CERS3: variants seen among roughly 807,000 people sequenced by gnomAD.
The protein encoded by CERS3 is ceramide synthase 3, also known as LAG1 homolog, ceramide synthase 3.
Under a neutral mutation model 50.3 loss-of-function variants are expected in CERS3, and 33 were observed. The ratio of observed to expected loss-of-function variants is 0.66; its 90% CI spans 0.50 to 0.88. The LOEUF (loss-of-function observed/expected upper bound fraction) is 0.88, where lower values mean the gene tolerates loss of function less well. Ranked by LOEUF, CERS3 falls within the 40% of genes least tolerant of loss-of-function variation. CERS3 has a pLI of 0.00. For missense variants in CERS3, 470 were observed against 460.3 expected (o/e 1.02, Z -0.19); for synonymous variants, 176 against 155.2 (o/e 1.13, Z -0.99).
chr15:100,456,316 G>C (rs1413613316), intron 10 of CERS3, among the ~76,000 whole-genome samples: 1 of 152,128 alleles, frequency 6.6e-6, no homozygotes, highest in Non-Finnish European at 1.5e-5. Context: ...TCTGTACCTT[G>C]GTTTCCTTTT....
chr15:100,402,412 C>T lies in CERS3; in HGVS notation c.*301G>A, dbSNP rs994557392. 1.5e-5 allele frequency: 5 copies of T among 326,042 alleles called. No homozygotes were observed. The highest frequency in any genetic ancestry group is 4.3e-5 in the African/African-American group (2 of 46,596). The allele number at this position is 326,042 out of a possible 1,614,324, so 20.2% of individuals were successfully genotyped here. ...CGAGGCGAAAGGGTCTATAACAAAG[C>T]GAGCCCCTGAGAAAGTGACATGCAT... On this transcript the variant is annotated 3_prime_UTR_variant, in exon 12 of 12. Transcript: ENST00000679737.
At chr15:100,409,357 T>A (rs898676843) in intron 11 of CERS3, among the ~76,000 whole-genome samples, 2 of 152,168 alleles carry the variant, frequency 1.3e-5, no homozygotes, top group Non-Finnish European at 2.9e-5. Flanking sequence ...TGGCAACCTA[T>A]TCATGATTTG....
chr15:100,422,999 G>T (rs750804756), intron 11 of CERS3, among the ~76,000 whole-genome samples: 1 of 151,230 alleles, frequency 6.6e-6, no homozygotes, highest in Non-Finnish European at 1.5e-5. Flanking sequence ...TGACGAGTTA[G>T]TGGGTGCAGC....
At chr15:100,522,801 T>C (rs9635428) in intron 1 of CERS3, among the ~76,000 whole-genome samples, 31,224 of 152,206 alleles carry the variant, frequency 0.21, 3,456 homozygotes, top group East Asian at 0.37. Context: ...TTCTTGAACA[T>C]GCTTTAGGTA....
chr15:100,418,577 A>G (rs1040121946), intron 11 of CERS3, among the ~76,000 whole-genome samples: 7 of 144,420 alleles, frequency 4.8e-5, no homozygotes, highest in African/African-American at 1.8e-4. Context: ...GGAAATACAG[A>G]GAACGCCACA....
chr15:100,411,849 C>G (rs1486748947), intron 11 of CERS3, among the ~76,000 whole-genome samples: 3 of 152,082 alleles, frequency 2.0e-5, no homozygotes, highest in African/African-American at 7.2e-5. Flanking sequence ...TTGCGTTTCC[C>G]TAATGATTAG....
chr15:100,479,107 A>G (rs72759124), intron 7 of CERS3, among the ~76,000 whole-genome samples: 2 of 152,252 alleles, frequency 1.3e-5, no homozygotes, highest in Non-Finnish European at 2.9e-5. Flanking sequence ...ATGAAAAAGA[A>G]TAGTATTTTT....
chr15:100,524,488 C>A (rs763790104), intron 1 of CERS3, among the ~76,000 whole-genome samples: 1 of 152,118 alleles, frequency 6.6e-6, no homozygotes, highest in Non-Finnish European at 1.5e-5. Context: ...TGGAATCAAG[C>A]CAGGTAAAGC....
intron 2 of CERS3, among the ~76,000 whole-genome samples, chr15:100,509,491 G>A (rs1465735207): frequency 6.6e-6 from 1 of 152,162 alleles, no homozygotes; most frequent in Admixed American, 6.5e-5. Context: ...AGAACAGAAG[G>A]TTTCTCTCAG....
intron 11 of CERS3, among the ~76,000 whole-genome samples, chr15:100,424,657 C>A (rs2032692722): frequency 6.6e-6 from 1 of 152,186 alleles, no homozygotes; most frequent in South Asian, 2.1e-4. Context: ...AATTTTTAAG[C>A]AGCAATGCGT....
chr15:100,478,964 C>A (rs1198740379), intron 7 of CERS3, among the ~76,000 whole-genome samples: 3 of 152,044 alleles, frequency 2.0e-5, no homozygotes, highest in African/African-American at 4.8e-5. Context: ...ATTCTAATTA[C>A]CTTTCAGTGA....
intron 10 of CERS3, among the ~76,000 whole-genome samples, chr15:100,461,664 C>G (rs1259287782): frequency 2.0e-5 from 3 of 152,196 alleles, no homozygotes; most frequent in African/African-American, 7.2e-5. Flanking sequence ...AGAACTTACA[C>G]CAGTAACACA....
intron 8 of CERS3, among the ~76,000 whole-genome samples, chr15:100,475,466 A>G (rs1269022094): frequency 3.3e-5 from 5 of 152,246 alleles, no homozygotes; most frequent in Non-Finnish European, 5.9e-5. Flanking sequence ...GCTTACATAT[A>G]CGACAAAATC....
At chr15:100,543,373 GT>G (rs2037248108) in intron 1 of CERS3, among the ~76,000 whole-genome samples, 1 of 152,078 alleles carries the variant, frequency 6.6e-6, no homozygotes, top group African/African-American at 2.4e-5. Flanking sequence ...CTTAGATTTT[GT>G]TCTCATTTCA....
intron 11 of CERS3, among the ~76,000 whole-genome samples, chr15:100,409,581 G>C (rs184540011): frequency 2.0e-5 from 3 of 152,146 alleles, no homozygotes; most frequent in Non-Finnish European, 4.4e-5. Flanking sequence ...AGGCATCTAC[G>C]TACTCACTAG....
intron 3 of CERS3, among the ~76,000 whole-genome samples, chr15:100,492,619 G>C (rs372767916): frequency 4.5e-4 from 69 of 152,202 alleles, no homozygotes; most frequent in African/African-American, 1.6e-3. Context: ...GTCTTTTGTG[G>C]ACAACATATA....
intron 11 of CERS3, among the ~76,000 whole-genome samples, chr15:100,433,809 G>T (rs778216941): frequency 6.6e-6 from 1 of 152,218 alleles, no homozygotes; most frequent in Non-Finnish European, 1.5e-5. Flanking sequence ...CTTCAAAGTG[G>T]GCAAAGCTTG....
chr15:100,459,770 G>C (rs1465948192), intron 10 of CERS3, among the ~76,000 whole-genome samples: 2 of 152,042 alleles, frequency 1.3e-5, no homozygotes, highest in African/African-American at 4.8e-5. Context: ...CTCAGATATT[G>C]ACCAATATTG....
At chr15:100,454,010 C>T (rs888921742) in intron 11 of CERS3, among the ~76,000 whole-genome samples, 1 of 152,124 alleles carries the variant, frequency 6.6e-6, no homozygotes, top group African/African-American at 2.4e-5. Context: ...GGAAAGACAG[C>T]CCATGCTCAT....
Sources: gnomAD v4.1 joint callset for allele counts (sites outside exome capture counted in the v4.1 genomes callset) on GRCh38, gnomAD v4.1.1 for gene constraint, MANE v1.5 for transcripts, NCBI Gene and HGNC (gene_info 2026-07-23, HGNC 2026-07-21) for gene names.